The following BIRC6 variants were observed in gnomAD, a reference collection of about 807,000 sequenced individuals.
BIRC6 encodes dual E2 ubiquitin-conjugating enzyme/E3 ubiquitin-protein ligase BIRC6.
Under a neutral mutation model 503.3 loss-of-function variants are expected in BIRC6, and 98 were observed. The observed-to-expected ratio is 0.19, with a 90% confidence interval of 0.17 to 0.23. The LOEUF (loss-of-function observed/expected upper bound fraction) is 0.23. BIRC6 is among the 10% of genes least tolerant of loss of function. The pLI is 1.00. For missense variants in BIRC6, 5,360 were observed against 5,806.0 expected (o/e 0.92, Z 2.50); for synonymous variants, 2,240 against 2,078.7 (o/e 1.08, Z -2.11).
chr2:32,596,749 T>C (rs1217616979), intron 68 of BIRC6, among the ~76,000 whole-genome samples: 1 of 152,248 alleles, frequency 6.6e-6, no homozygotes, highest in Non-Finnish European at 1.5e-5. Context: ...CTAATGGCTT[T>C]TAAAAATACA....
intron 47 of BIRC6, 130 bp downstream of exon 47, chr2:32,502,018 G>A: frequency 1.2e-6 from 1 of 844,102 alleles, no homozygotes. Flanking sequence ...AGTACAAGAG[G>A]GCTGTGGATT....
At chr2:32,444,074 A>C (rs2045713929) in intron 20 of BIRC6, among the ~76,000 whole-genome samples, 1 of 151,114 alleles carries the variant, frequency 6.6e-6, no homozygotes, top group Non-Finnish European at 1.5e-5. Flanking sequence ...CTCTGTGGAA[A>C]TGCCTTTCAA....
intron 2 of BIRC6, among the ~76,000 whole-genome samples, 169 bp from the exon 3 acceptor site, chr2:32,379,984 G>A (rs1170127529): frequency 6.6e-6 from 1 of 152,010 alleles, no homozygotes; most frequent in Non-Finnish European, 1.5e-5. Context: ...TTTTATAATA[G>A]CCCTTTAAAT....
rs1422600913 is a variant in BIRC6 at position 32,357,665 on chromosome 2, A to G, written c.325+179A>G. Among the ~76,000 whole-genome samples, 3 of 151,988 alleles carry G rather than the reference A, an allele frequency of 2.0e-5. No individual in the cohort carries two copies. The highest frequency in any genetic ancestry group is 7.3e-5 in the African/African-American group (3 of 41,376). ...GGGGACCTTAGGACTTGGCTTTTTC[A>G]GCGGCTGCAGTTGGGAGGAAAGACC... On this transcript the variant is annotated intron_variant, in intron 1 of 73. Coordinates refer to ENST00000421745, the MANE Select transcript of BIRC6 (RefSeq NM_016252.4). The surrounding 1 kb of genome is among the most constrained non-coding windows in gnomAD (Gnocchi z 4.9).
At chr2:32,432,079 G>A (rs1311839670) in intron 12 of BIRC6, among the ~76,000 whole-genome samples, 2 of 152,112 alleles carry the variant, frequency 1.3e-5, no homozygotes, top group African/African-American at 4.8e-5. Flanking sequence ...TGTTGTTGGA[G>A]TGCTGTGAAT....
At chr2:32,391,131 A>G (rs1320869210) in intron 4 of BIRC6, among the ~76,000 whole-genome samples, 1 of 152,236 alleles carries the variant, frequency 6.6e-6, no homozygotes, top group Admixed American at 6.5e-5. Flanking sequence ...TTTCTTTGCA[A>G]ACAGTTGCAG....
At chr2:32,424,121 A>G (rs2043220490) in intron 10 of BIRC6, among the ~76,000 whole-genome samples, 1 of 152,210 alleles carries the variant, frequency 6.6e-6, no homozygotes, top group Non-Finnish European at 1.5e-5. Context: ...ATTTATGGTA[A>G]GAACAAATCT....
rs754977863 is a variant in BIRC6 at position 32,416,001 on chromosome 2, G to A, written c.2710G>A (p.Val904Ile). Reference sequence around the variant, plus strand: ...TGACATTTCTACTCTTGGACACCTGGTAATAACCACTCAGGGAGGATATGT... The same window carrying A: ...TGACATTTCTACTCTTGGACACCTGATAATAACCACTCAGGGAGGATATGT... ...TSDISTLGHL[V>I]ITTQGGYVKI... is the part of the protein sequence containing the mutation. Residue 904 changes from valine to isoleucine, a missense_variant, in exon 10 of 74, where the codon GTA becomes ATA. By Grantham distance (29) the Val-to-Ile change is conservative. Around this residue, in one of 16 missense-constraint regions of BIRC6, gnomAD observed 700 missense variants for 739.3 expected, o/e 0.95. Transcript: ENST00000421745. 17 of 1,613,760 alleles carry A rather than the reference G, an allele frequency of 1.1e-5. No individual in the cohort carries two copies. Among genetic ancestry groups the A allele is most frequent in the African/African-American group, 2.7e-5 (2 of 74,904 alleles).
intron 68 of BIRC6, 28 bp downstream of exon 68, chr2:32,595,172 G>A: frequency 1.4e-6 from 2 of 1,413,100 alleles, no homozygotes; most frequent in Non-Finnish European, 1.9e-6. Context: ...ATTTGCTTAA[G>A]ATCTCACTTT....
In BIRC6 at chr2:32,502,217, A is replaced by C. The variant is rs534321203; in HGVS notation, c.9207+329A>C. ...AGGTGTTCTCCATAGATGTTATGTA[A>C]GAAGAAGTAATGTGAAATCTTTTGA... is the stretch of plus-strand genomic sequence containing the variant. On this transcript the variant is annotated intron_variant, in intron 47 of 73. Transcript: ENST00000421745. Among the ~76,000 whole-genome samples, 5 of 152,274 alleles carry C rather than the reference A, an allele frequency of 3.3e-5. No individual in the cohort carries two copies. In the South Asian group the frequency reaches 6.2e-4, roughly 19 times the overall value.
intron 3 of BIRC6, among the ~76,000 whole-genome samples, chr2:32,386,686 A>G (rs1466483893): frequency 6.6e-6 from 1 of 152,154 alleles, no homozygotes; most frequent in Non-Finnish European, 1.5e-5. Context: ...ACGAACCTCC[A>G]TCCTCAGTCT....
chr2:32,582,537 G>T (rs766428752), intron 66 of BIRC6, among the ~76,000 whole-genome samples: 1 of 152,294 alleles, frequency 6.6e-6, no homozygotes, highest in Middle Eastern at 3.4e-3. Flanking sequence ...GCCGAGGCAG[G>T]TGGATCACCT....
intron 45 of BIRC6, among the ~76,000 whole-genome samples, chr2:32,494,603 A>T (rs2052197308): frequency 1.3e-5 from 2 of 151,942 alleles, no homozygotes; most frequent in Non-Finnish European, 2.9e-5. Flanking sequence ...AAAAATCCCC[A>T]TTAATATAAG....
intron 6 of BIRC6, among the ~76,000 whole-genome samples, chr2:32,396,706 A>C (rs998818097): frequency 1.3e-5 from 2 of 152,206 alleles, no homozygotes; most frequent in African/African-American, 4.8e-5. Context: ...GAGATTAATA[A>C]CAATAACTAA....
chr2:32,422,328 G>A (rs2043033296), intron 10 of BIRC6, among the ~76,000 whole-genome samples: 1 of 151,916 alleles, frequency 6.6e-6, no homozygotes, highest in Admixed American at 6.6e-5. Context: ...TTTTTAAAAT[G>A]TTCTTTACAT....
chr2:32,543,617 T>C, intron 62 of BIRC6, 76 bp downstream of exon 62: 1 of 1,383,296 alleles, frequency 7.2e-7, no homozygotes, highest in Non-Finnish European at 9.8e-7. Flanking sequence ...TTGCCTATTA[T>C]TCATCATTTA....
In BIRC6 at chr2:32,597,791, G is replaced by A; in HGVS notation, c.13653G>A (p.Leu4551=). The A allele has an allele frequency of 6.2e-7, 1 of 1,613,478 alleles. No homozygotes were observed. Among genetic ancestry groups the A allele is most frequent in the Non-Finnish European group, 8.5e-7 (1 of 1,179,514 alleles). The change falls in exon 69 of 74, where the codon TTG becomes TTA. Residue 4551 remains leucine (L), a synonymous_variant. Coordinates refer to ENST00000421745, the MANE Select transcript of BIRC6 (RefSeq NM_016252.4). ...EMVSEDEDGK[L]GFKVNYHYMS... ...TTTCTGAAGATGAAGATGGGAAATT[G>A]GGATTTAAAGTAAATTACCACTACA... is the stretch of plus-strand genomic sequence containing the variant.
chr2:32,476,333 G>A lies in BIRC6; in HGVS notation c.6841G>A (p.Ala2281Thr), dbSNP rs1449681339. Residue 2281 changes from alanine (A) to threonine (T), a missense_variant, in exon 34 of 74, where the codon GCC becomes ACC. Physicochemically the swap from Ala to Thr is moderately conservative, Grantham distance 58. Around this residue, in one of 16 missense-constraint regions of BIRC6, gnomAD observed 2,299 missense variants for 2,267.2 expected, o/e 1.01. Coordinates refer to ENST00000421745, the MANE Select transcript of BIRC6 (RefSeq NM_016252.4). ...LLVEQAKLKQ[A>T]TSKHFKDLIR... Reference sequence around the variant, plus strand: ...GGTAGAACAAGCAAAACTAAAGCAGGCCACTTCAAAGGTATGATCTATACT... The same window carrying A: ...GGTAGAACAAGCAAAACTAAAGCAGACCACTTCAAAGGTATGATCTATACT... 7 of 1,577,512 alleles carry A rather than the reference G, an allele frequency of 4.4e-6. No homozygotes were observed. The highest frequency in any genetic ancestry group is 6.0e-6 in the Non-Finnish European group (7 of 1,160,362).
In BIRC6 at chr2:32,409,828, T is replaced by C. The variant is rs116864512; in HGVS notation, c.1477+3271T>C. Among the ~76,000 whole-genome samples the C allele has an allele frequency of 5.1e-4, 78 of 152,324 alleles. No homozygotes were observed. In the East Asian group the frequency reaches 0.015, roughly 29 times the overall value. ...TGTAGGTATTTGTGTAAAAATTTAT[T>C]TTTTGGCCTAGTAGGTTTTAGAAAT... On this transcript the variant is annotated intron_variant, in intron 9 of 73. Coordinates refer to ENST00000421745, the MANE Select transcript of BIRC6 (RefSeq NM_016252.4).
Sources: gnomAD v4.1 joint callset for allele counts (sites outside exome capture counted in the v4.1 genomes callset) on GRCh38, gnomAD v4.1.1 for gene constraint, gnomAD v4.1.1 regional missense constraint, Gnocchi (gnomAD v3.1) non-coding constraint, MANE v1.5 for transcripts, NCBI Gene and HGNC (gene_info 2026-07-23, HGNC 2026-07-21) for gene names.